SEC61G: variants seen among roughly 807,000 people sequenced by gnomAD.
SEC61G encodes the protein protein transport protein Sec61 subunit gamma.
A neutral mutation model predicts 7.5 loss-of-function variants in SEC61G; 4 were observed. The ratio of observed to expected loss-of-function variants is 0.54; its 90% CI spans 0.26 to 1.22. The LOEUF (loss-of-function observed/expected upper bound fraction) is 1.22, where lower values mean the gene tolerates loss of function less well. Ranked by LOEUF, SEC61G falls within the 50% of genes most tolerant of loss-of-function variation. The probability of loss-of-function intolerance (pLI) is 0.12; values close to 1 mark genes in which losing one functional copy is unlikely to be tolerated. For missense variants in SEC61G, 53 were observed against 84.6 expected (o/e 0.63, Z 1.46); for synonymous variants, 24 against 24.4 (o/e 0.98, Z 0.05).
In SEC61G at chr7:54,752,316, C is replaced by T. The variant is rs1161001111; in HGVS notation, c.*95G>A. 8.8e-6 allele frequency: 7 copies of T among 792,678 alleles called. No homozygotes were observed. The East Asian group carries it at 1.9e-4, about 22-fold the overall frequency. 49.1% of individuals were successfully genotyped at this position (792,678 alleles called of 1,614,324 possible). ...TCTTGAAAGGAAAAAAAAAAACCCA[C>T]AAAACATACAGGCAAATTTGTATTC... On this transcript the variant is annotated 3_prime_UTR_variant, in exon 4 of 4. Coordinates refer to ENST00000352861, the MANE Select transcript of SEC61G (RefSeq NM_014302.4).
At chr7:54,753,008 G>A (rs547492991) in intron 3 of SEC61G, among the ~76,000 whole-genome samples, 9 of 152,204 alleles carry the variant, frequency 5.9e-5, no homozygotes, top group Middle Eastern at 3.4e-3. Context: ...ATATAAAATA[G>A]GCCAGGCATG....
At position 54,754,316 on chromosome 7, in the gene SEC61G, C is replaced by T. The variant is rs1791467104; in HGVS notation, c.197+1463G>A. Among the ~76,000 whole-genome samples the T allele has an allele frequency of 3.3e-5, 5 of 152,234 alleles. No individual in the cohort carries two copies. The South Asian group carries it at 1.0e-3, about 31-fold the overall frequency. ...AAAGAAACACTTCCTATCAATAAAT[C>T]TGTCTCATGACAGAATGGGAAGCAG... On this transcript the variant is annotated intron_variant, in intron 3 of 3. Coordinates refer to ENST00000352861, the MANE Select transcript of SEC61G (RefSeq NM_014302.4).
chr7:54,757,825 T>C (rs1234966241), intron 1 of SEC61G, among the ~76,000 whole-genome samples: 1 of 152,238 alleles, frequency 6.6e-6, no homozygotes. Flanking sequence ...TTACTCATGA[T>C]ATCTTCACTG....
Position 54,759,141 on chromosome 7 carries a change from G to C in SEC61G, c.-7+17C>G. The C allele has an allele frequency of 1.9e-6, 1 of 518,388 alleles. No homozygotes were observed. The highest frequency in any genetic ancestry group is 1.4e-5 in the South Asian group (1 of 71,524). The allele number at this position is 518,388 out of a possible 1,614,324, so 32.1% of individuals were successfully genotyped here. A position where few individuals can be genotyped will look rare whatever the true frequency, so the allele number is the denominator to read the frequency against. ...GCCGCCCCGTTCGCCCGTACCGACC[G>C]GTGGGAAGAAACTCACCTACCCAAC... On this transcript the variant is annotated intron_variant, in intron 1 of 3. Transcript: ENST00000352861.
chr7:54,756,553 G>A (rs1247567730), intron 2 of SEC61G, among the ~76,000 whole-genome samples: 1 of 152,200 alleles, frequency 6.6e-6, no homozygotes, highest in Admixed American at 6.5e-5. Context: ...CTACTCAGGA[G>A]GCTGAGGCAG....
chr7:54,757,713 C>T, intron 1 of SEC61G, 119 bp from the exon 2 acceptor site: 2 of 692,532 alleles, frequency 2.9e-6, no homozygotes, highest in South Asian at 2.1e-5. Context: ...TGGGTCAATT[C>T]CACCTCCTAA....
intron 2 of SEC61G, among the ~76,000 whole-genome samples, chr7:54,756,855 T>C (rs564728408): frequency 3.2e-4 from 49 of 151,174 alleles, no homozygotes; most frequent in African/African-American, 1.1e-3. Context: ...ACAGTCTTCC[T>C]TGGTAAGAGT....
intron 2 of SEC61G, among the ~76,000 whole-genome samples, chr7:54,756,281 G>A (rs1369428816): frequency 6.6e-6 from 1 of 152,150 alleles, no homozygotes; most frequent in Non-Finnish European, 1.5e-5. Flanking sequence ...TATATGGGCA[G>A]AAACATACCT....
At chr7:54,754,001 G>T (rs183411395) in intron 3 of SEC61G, among the ~76,000 whole-genome samples, 149 of 152,208 alleles carry the variant, frequency 9.8e-4, no homozygotes, top group African/African-American at 3.5e-3. Flanking sequence ...GGATACAAGG[G>T]GGCTCTGGAC....
intron 3 of SEC61G, among the ~76,000 whole-genome samples, chr7:54,754,126 G>C (rs138062816): frequency 0.015 from 2,270 of 152,180 alleles, 49 homozygotes; most frequent in African/African-American, 0.05. Context: ...AATGATGTCT[G>C]GCAAAAGGGA....
At chr7:54,752,752 A>T (rs181267835) in intron 3 of SEC61G, among the ~76,000 whole-genome samples, 1 of 152,216 alleles carries the variant, frequency 6.6e-6, no homozygotes. Context: ...AAGCTTTTCA[A>T]GTTGATAAAG....
In SEC61G at chr7:54,759,190, C is replaced by T. The variant is rs1163655991; in HGVS notation, c.-39G>A. The T allele has an allele frequency of 3.9e-6, 2 of 518,940 alleles. No individual in the cohort carries two copies. The highest frequency in any genetic ancestry group is 1.9e-5 in the African/African-American group (1 of 51,970). The allele number at this position is 518,940 out of a possible 1,614,324, so 32.1% of individuals were successfully genotyped here. ...ACCGACACCTAAAATGCCAGGGACACGTAGCACTGGAGCTTGCTGATGGAG... is the reference window on the plus strand; with the variant it reads ...ACCGACACCTAAAATGCCAGGGACATGTAGCACTGGAGCTTGCTGATGGAG... On this transcript the variant is annotated 5_prime_UTR_variant, in exon 1 of 4. It adds an upstream start codon to the 5' untranslated region. Coordinates refer to ENST00000352861, the MANE Select transcript of SEC61G (RefSeq NM_014302.4).
intron 2 of SEC61G, 90 bp downstream of exon 2, chr7:54,757,405 A>G: frequency 1.0e-6 from 1 of 994,606 alleles, no homozygotes; most frequent in South Asian, 1.4e-5. Context: ...TGATCAAAGT[A>G]ATGCAAGGGC....
intron 2 of SEC61G, 112 bp from the exon 3 acceptor site, chr7:54,755,993 T>C (rs187626746): frequency 1.0e-5 from 5 of 497,060 alleles, no homozygotes; most frequent in African/African-American, 3.9e-5. Context: ...CTCCTGTTAA[T>C]AGATATATAA....
chr7:54,755,030 C>T (rs933546641), intron 3 of SEC61G: 4 of 152,148 alleles, frequency 2.6e-5, no homozygotes, highest in Admixed American at 6.5e-5. Context: ...AGTCCTTACC[C>T]TAAACTGAAT....
intron 2 of SEC61G, among the ~76,000 whole-genome samples, chr7:54,756,932 A>G (rs1791526955): frequency 6.8e-6 from 1 of 147,976 alleles, no homozygotes; most frequent in Non-Finnish European, 1.5e-5. Flanking sequence ...ACTATATTAT[A>G]TACTATATAC....
rs1791432509 is a variant in SEC61G, at chr7:54,752,425, AAAAG to A, written c.198-9_198-6del. On this transcript the variant is annotated splice_polypyrimidine_tract_variant and splice_region_variant and intron_variant, in intron 3 of 3. Transcript: ENST00000352861. The stretch of plus-strand genomic sequence containing the variant: ...CCAAAATGTATTCAGCCACCACTGT[AAAAG>A]AAAGAAAAATTATTACTTCTGAGCA... The A allele has an allele frequency of 1.3e-6, 2 of 1,494,540 alleles. No individual in the cohort carries two copies. The highest frequency in any genetic ancestry group is 1.8e-6 in the Non-Finnish European group (2 of 1,094,388). The allele number at this position is 1,494,540 out of a possible 1,614,324, so 92.6% of individuals were successfully genotyped here.
chr7:54,755,978 C>T (rs1275214375), intron 2 of SEC61G, 97 bp from the exon 3 acceptor site: 3 of 574,732 alleles, frequency 5.2e-6, no homozygotes, highest in South Asian at 2.6e-5. Context: ...AACTAGTATA[C>T]ATTTCTCCTG....
chr7:54,758,774 C>G (rs1352554916), intron 1 of SEC61G, among the ~76,000 whole-genome samples: 2 of 152,326 alleles, frequency 1.3e-5, no homozygotes, highest in African/African-American at 4.8e-5. Context: ...ACGGAAGCGG[C>G]GGCAGGACCA....
Sources: allele counts gnomAD v4.1 joint callset (sites outside exome capture counted in the v4.1 genomes callset), GRCh38; gene constraint gnomAD v4.1.1; transcripts MANE v1.5; gene names NCBI Gene and HGNC (gene_info 2026-07-23, HGNC 2026-07-21).